Variants in TFEC observed in about 807,000 individuals in gnomAD.
The protein encoded by TFEC is class E basic helix-loop-helix protein 34.
A neutral mutation model predicts 41.6 loss-of-function variants in TFEC; 31 were observed. The observed-to-expected ratio is 0.74, with a 90% CI of 0.56 to 1.01. TFEC has a LOEUF of 1.01. TFEC is among the 50% of genes least tolerant of loss of function. The probability of loss-of-function intolerance (pLI) is 0.00; values close to 1 mark genes in which losing one functional copy is unlikely to be tolerated. For synonymous variants in TFEC, 143 were observed against 140.6 expected, an observed-to-expected ratio of 1.02 and a Z score of -0.12; for missense variants, 402 against 404.1, an observed-to-expected ratio of 0.99 and a Z score of 0.04.
chr7:115,958,784 T>C lies in TFEC; in HGVS notation c.268-1991A>G, dbSNP rs75085649. Among the ~76,000 whole-genome samples the C allele has an allele frequency of 2.6e-4, 40 of 151,976 alleles. 1 individual carries two copies. In the East Asian group the frequency reaches 7.8e-3, roughly 29 times the overall value. ...AATTTATGCCCTAAAGCACAATAAT[T>C]AATATCCTATTTAATTTTATGCTAT... On this transcript the variant is annotated intron_variant, in intron 3 of 7. Coordinates refer to ENST00000265440, the MANE Select transcript of TFEC (RefSeq NM_012252.4).
chr7:116,114,815 G>A (rs1354799930), intron 1 of TFEC, among the ~76,000 whole-genome samples: 2 of 151,966 alleles, frequency 1.3e-5, no homozygotes, highest in Non-Finnish European at 2.9e-5. Context: ...TGACAGAAAT[G>A]TGAAGGAATC....
chr7:116,092,379 C>T (rs573853253), intron 3 of TFEC, among the ~76,000 whole-genome samples: 7 of 152,274 alleles, frequency 4.6e-5, no homozygotes, highest in African/African-American at 1.7e-4. Context: ...TGTAACACTG[C>T]TTTGGAACAG....
At chr7:116,019,553 G>T (rs1379398366) in intron 1 of TFEC, among the ~76,000 whole-genome samples, 4 of 152,030 alleles carry the variant, frequency 2.6e-5, no homozygotes, top group African/African-American at 9.7e-5. Flanking sequence ...CAGATAATTT[G>T]GTTTCTAAAT....
upstream of TFEC, among the ~76,000 whole-genome samples, chr7:116,034,345 T>C (rs561359519): frequency 2.0e-5 from 3 of 152,192 alleles, no homozygotes; most frequent in Admixed American, 6.6e-5. Context: ...TCCATACTCA[T>C]ATATCCAACA....
At chr7:116,024,659 CT>C (rs1309392056) in intron 1 of TFEC, among the ~76,000 whole-genome samples, 4 of 152,080 alleles carry the variant, frequency 2.6e-5, no homozygotes, top group Non-Finnish European at 5.9e-5. Context: ...TGTTTTGATA[CT>C]CAATACAACT....
At chr7:116,022,572 T>G (rs1216219358) in intron 1 of TFEC, among the ~76,000 whole-genome samples, 1 of 152,142 alleles carries the variant, frequency 6.6e-6, no homozygotes, top group Non-Finnish European at 1.5e-5. Context: ...TACTAAGTGA[T>G]TAAATGTTAG....
intron 3 of TFEC, among the ~76,000 whole-genome samples, chr7:116,038,825 T>C (rs995299527): frequency 2.0e-5 from 3 of 152,068 alleles, no homozygotes; most frequent in Non-Finnish European, 4.4e-5. Flanking sequence ...ACATATAGTG[T>C]TAAAAACAAA....
At chr7:115,988,581 G>A (rs1793962711) in intron 1 of TFEC, among the ~76,000 whole-genome samples, 1 of 151,884 alleles carries the variant, frequency 6.6e-6, no homozygotes, top group Non-Finnish European at 1.5e-5. Context: ...AAGAACTGTG[G>A]GACAATGACA....
intron 3 of TFEC, among the ~76,000 whole-genome samples, chr7:115,962,795 G>A (rs563398675): frequency 6.6e-6 from 1 of 151,902 alleles, no homozygotes; most frequent in South Asian, 2.1e-4. Context: ...TTAAGATCCA[G>A]AATATATACA....
chr7:115,950,761 G>T (rs555883040), intron 6 of TFEC, 113 bp downstream of exon 6: 44 of 688,732 alleles, frequency 6.4e-5, no homozygotes, highest in African/African-American at 6.0e-4. Flanking sequence ...CCTTATTTTT[G>T]CTATAAGCTG....
chr7:116,072,388 T>C (rs1459767551), intron 3 of TFEC, among the ~76,000 whole-genome samples: 1 of 151,654 alleles, frequency 6.6e-6, no homozygotes, highest in Non-Finnish European at 1.5e-5. Context: ...GTAGCTACAA[T>C]TGTATGTATT....
upstream of TFEC, among the ~76,000 whole-genome samples, chr7:116,034,970 T>C (rs559645091): frequency 1.2e-3 from 179 of 151,730 alleles, no homozygotes; most frequent in African/African-American, 4.2e-3. Context: ...AAACTGTTTA[T>C]TCTCCTTACC....
intron 3 of TFEC, among the ~76,000 whole-genome samples, chr7:115,963,653 C>G (rs532295717): frequency 6.6e-6 from 1 of 151,642 alleles, no homozygotes; most frequent in East Asian, 1.9e-4. Flanking sequence ...GTGAAATAAG[C>G]CAACCACAAT....
chr7:115,990,363 A>G (rs1794052883), intron 1 of TFEC, among the ~76,000 whole-genome samples: 1 of 152,186 alleles, frequency 6.6e-6, no homozygotes, highest in South Asian at 2.1e-4. Context: ...AACGGAACAA[A>G]CCTGGATGGA....
chr7:116,101,569 T>A (rs574350365), intron 3 of TFEC, among the ~76,000 whole-genome samples: 29 of 152,248 alleles, frequency 1.9e-4, no homozygotes, highest in Middle Eastern at 6.8e-3. Flanking sequence ...GCCCCAATAG[T>A]AAACCTGACT....
intron 3 of TFEC, among the ~76,000 whole-genome samples, chr7:116,094,388 G>T (rs911667537): frequency 6.6e-6 from 1 of 152,148 alleles, no homozygotes; most frequent in Admixed American, 6.5e-5. Context: ...TTTAAAATAA[G>T]AATACATTTT....
At chr7:116,094,485 C>T (rs1380034619) in intron 3 of TFEC, among the ~76,000 whole-genome samples, 1 of 151,790 alleles carries the variant, frequency 6.6e-6, no homozygotes, top group Admixed American at 6.6e-5. Flanking sequence ...TCGAGACCAT[C>T]CTGGCTAATA....
At chr7:116,141,898 C>T (rs1798549199) in intron 1 of TFEC, among the ~76,000 whole-genome samples, 1 of 152,164 alleles carries the variant, frequency 6.6e-6, no homozygotes, top group East Asian at 1.9e-4. Flanking sequence ...GATAAATAGT[C>T]GCTCATGTTA....
chr7:115,974,208 C>T lies in TFEC; in HGVS notation c.229G>A (p.Glu77Lys). Residue 77 changes from glutamate to lysine, a missense_variant, in exon 3 of 8, where the codon GAG (glutamate) becomes AAG (lysine). Transcript: ENST00000265440. ...AGCAGAGGAGAGTCTGCTCCTTCCT[C>T]TTTAAAACTTGATTCCATACCGATT... ...DIIGMESSFKEEGADSPLLMQ... is the reference protein window; with the variant it reads ...DIIGMESSFKKEGADSPLLMQ... 6.3e-7 allele frequency: 1 copy of T among 1,594,968 alleles called. No homozygotes were observed. The highest frequency in any genetic ancestry group is 8.5e-7 in the Non-Finnish European group (1 of 1,171,640).
Sources: allele counts gnomAD v4.1 joint callset (sites outside exome capture counted in the v4.1 genomes callset), GRCh38; gene constraint gnomAD v4.1.1; transcripts MANE v1.5; gene names NCBI Gene and HGNC (gene_info 2026-07-23, HGNC 2026-07-21).